Variants in IFT122 observed in about 807,000 individuals in gnomAD.
IFT122 encodes intraflagellar transport 122.
Under a neutral mutation model 161.6 loss-of-function variants are expected in IFT122, and 118 were observed. That is an observed-to-expected ratio of 0.73 (90% CI 0.63 to 0.85). IFT122 has a LOEUF of 0.85. Among genes scored for constraint, IFT122 ranks in the 40% least tolerant of loss-of-function variants. The probability of loss-of-function intolerance (pLI) is 0.00; values close to 1 mark genes in which losing one functional copy is unlikely to be tolerated. For synonymous variants in IFT122, 550 were observed against 602.4 expected, an observed-to-expected ratio of 0.91 and a Z score of 1.27; for missense variants, 1,381 against 1,579.6, an observed-to-expected ratio of 0.87 and a Z score of 2.13.
intron 18 of IFT122, 121 bp downstream of exon 18, chr3:129,495,728 G>C (rs1010891967): frequency 8.5e-7 from 1 of 1,174,154 alleles, no homozygotes; most frequent in East Asian, 2.4e-5. Flanking sequence ...GTCTCAGAAA[G>C]GATGTGGGGA....
rs750353936 is a variant in IFT122, at chr3:129,495,637, C to T, written c.2208+30C>T. The T allele has an allele frequency of 5.6e-6, 9 of 1,611,978 alleles. No homozygotes were observed. The African/African-American group carries it at 1.1e-4, about 19-fold the overall frequency. On this transcript the variant is annotated intron_variant, in intron 18 of 29. Transcript: ENST00000348417. ...CCTACCCTGTCCCAGGCCCAAGCTC[C>T]AGCTTGGAGCCCACTGGTATTCTCA...
chr3:129,500,179 A>G (rs1433670158), intron 19 of IFT122, 111 bp downstream of exon 19: 3 of 1,297,100 alleles, frequency 2.3e-6, no homozygotes, highest in African/African-American at 1.5e-5. Context: ...AGCTAATGTG[A>G]TAGTGGCTAG....
chr3:129,465,047 A>AGT (rs942884912), intron 7 of IFT122, among the ~76,000 whole-genome samples: 7 of 151,646 alleles, frequency 4.6e-5, no homozygotes, highest in Admixed American at 2.0e-4. Flanking sequence ...GACAGGCCAA[A>AGT]GTGTGTGTGT....
At chr3:129,502,246 C>T (rs1466481106) in intron 19 of IFT122, among the ~76,000 whole-genome samples, 1 of 152,244 alleles carries the variant, frequency 6.6e-6, no homozygotes, top group African/African-American at 2.4e-5. Flanking sequence ...ATCCACTTTT[C>T]CGTGAGAATT....
At position 129,520,166 on chromosome 3, in the gene IFT122, CT is replaced by C; in HGVS notation, c.3637-8del. The C allele has an allele frequency of 6.2e-7, 1 of 1,609,210 alleles. No individual in the cohort carries two copies. Among genetic ancestry groups the C allele is most frequent in the Non-Finnish European group, 8.5e-7 (1 of 1,177,852 alleles). Reference sequence around the variant, plus strand: ...GGCTTCAGCCTGGTCTTACAGCTGTCTTCCCTTAGATGTTCCATTCTGAGGA... The same window carrying C: ...GGCTTCAGCCTGGTCTTACAGCTGTCTCCCTTAGATGTTCCATTCTGAGGA... On this transcript the variant is annotated splice_polypyrimidine_tract_variant and intron_variant, in intron 29 of 29. Transcript: ENST00000348417.
At chr3:129,506,617 G>A (rs2082218116) in intron 22 of IFT122, 68 bp downstream of exon 22, 2 of 1,602,054 alleles carry the variant, frequency 1.2e-6, no homozygotes. Flanking sequence ...AACATCAGAA[G>A]AGCTGGGACA....
chr3:129,493,334 C>T (rs55744015), intron 17 of IFT122, among the ~76,000 whole-genome samples: 19,572 of 152,172 alleles, frequency 0.13, 1,589 homozygotes, highest in South Asian at 0.24. Context: ...GCCCTTGTGC[C>T]GAGCTCAGTG....
chr3:129,464,209 T>G (rs1036148729), intron 6 of IFT122, among the ~76,000 whole-genome samples: 3 of 152,224 alleles, frequency 2.0e-5, no homozygotes, highest in Non-Finnish European at 4.4e-5. Flanking sequence ...AGTATATCCC[T>G]TCCGTTCAGC....
rs1578072953 is a variant in IFT122, at chr3:129,507,889, T to G, written c.2886+127T>G. 3 of 757,488 alleles carry G rather than the reference T, an allele frequency of 4.0e-6. No homozygotes were observed. In the East Asian group the frequency reaches 7.8e-5, roughly 20 times the overall value. 46.9% of individuals were successfully genotyped at this position (757,488 alleles called of 1,614,324 possible). A position where few individuals can be genotyped will look rare whatever the true frequency, so the allele number is the denominator to read the frequency against. ...GTCACAGTGAACTGCTGAGGAATCT[T>G]GGTCTCCTCTGGGAAGAAAAAGTTT... On this transcript the variant is annotated intron_variant, in intron 23 of 29. Transcript: ENST00000348417.
At chr3:129,520,120 C>G (rs371754567) in intron 29 of IFT122, 56 bp from the exon 30 acceptor site, 56 of 1,441,658 alleles carry the variant, frequency 3.9e-5, no homozygotes, top group Non-Finnish European at 5.2e-5. Flanking sequence ...TGGCCCCAGG[C>G]GTAGGGCTGA....
At chr3:129,499,702 A>AAC (rs1319104426) in intron 18 of IFT122, among the ~76,000 whole-genome samples, 200 bp from the exon 19 acceptor site, 10 of 152,174 alleles carry the variant, frequency 6.6e-5, no homozygotes, top group African/African-American at 2.4e-4. Flanking sequence ...ATCCCCCAGG[A>AAC]ACACCTGCAG....
intron 25 of IFT122, chr3:129,514,866 C>G (rs921206519): frequency 2.0e-5 from 10 of 494,874 alleles, no homozygotes; most frequent in South Asian, 1.0e-4. Flanking sequence ...TGCCTTTACC[C>G]CAGGCCTGGC....
chr3:129,469,244 A>T, intron 8 of IFT122, 98 bp from the exon 9 acceptor site: 1 of 1,086,534 alleles, frequency 9.2e-7, no homozygotes, highest in Non-Finnish European at 1.4e-6. Context: ...TGGCAACCTG[A>T]GGCCAGGACT....
In IFT122 at chr3:129,476,739, G is replaced by A. The variant is rs763542859; in HGVS notation, c.1085G>A (p.Arg362His). The A allele has an allele frequency of 4.3e-6, 7 of 1,614,166 alleles. No homozygotes were observed. The Admixed American group carries it at 6.7e-5, about 15-fold the overall frequency. Residue 362 changes from arginine to histidine, a missense_variant, in exon 11 of 30, where the codon CGC (arginine) becomes CAC (histidine). Physicochemically the swap from Arg to His is conservative, Grantham distance 29. Coordinates refer to ENST00000348417, the MANE Select transcript of IFT122 (RefSeq NM_052989.3). The stretch of plus-strand genomic sequence containing the variant: ...ACAGTCCATGGGCTTTACAAGGACC[G>A]CTATGCCTACAGGGATAGCATGACT... ...FSTVHGLYKD[R>H]YAYRDSMTDV... is the part of the protein sequence containing the mutation.
chr3:129,489,318 T>A (rs1474315109), intron 16 of IFT122, among the ~76,000 whole-genome samples: 1 of 152,156 alleles, frequency 6.6e-6, no homozygotes, highest in Non-Finnish European at 1.5e-5. Flanking sequence ...GGCCAGCCAC[T>A]TTCCTTGGAG....
rs1243629398 is a variant in IFT122 at position 129,516,694 on chromosome 3, G to GCGCGCA, written c.3266-774_3266-773insGCGCAC. On this transcript the variant is annotated intron_variant, in intron 26 of 29. Transcript: ENST00000348417. Reference sequence around the variant, plus strand: ...CCCTGCACACACACAGATTGCTCCTGCACACACACACACACACACACACAC... The same window carrying GCGCGCA: ...CCCTGCACACACACAGATTGCTCCTGCGCGCACACACACACACACACACACACACAC... Among the ~76,000 whole-genome samples the GCGCGCA allele has an allele frequency of 1.1e-3, 54 of 50,216 alleles. 1 individual carries two copies. The highest frequency in any genetic ancestry group is 7.4e-3 in the South Asian group (7 of 940). 32.9% of individuals were successfully genotyped at this position (50,216 alleles called of 152,430 possible).
intron 1 of IFT122, among the ~76,000 whole-genome samples, chr3:129,448,134 C>G (rs2074266517): frequency 6.6e-6 from 1 of 152,152 alleles, no homozygotes; most frequent in East Asian, 1.9e-4. Context: ...TTCTGATCCT[C>G]TCCTTGAATT....
Position 129,464,767 on chromosome 3 carries a change from C to G in IFT122, c.549C>G (p.Cys183Trp). Residue 183 changes from cysteine (C) to tryptophan (W), a missense_variant, in exon 7 of 30, where the codon TGC becomes TGG. This residue lies in a region of IFT122 where 544 missense variants were observed against 648.0 expected (regional missense o/e 0.84). Coordinates refer to ENST00000348417, the MANE Select transcript of IFT122 (RefSeq NM_052989.3). ...GGSLSPIWSI[C>W]WNPSSRWESF... ...CCCTCTCGCCAATATGGTCCATCTGCTGGAACCCTTCAAGGTACTCTTAAA... is the reference window on the plus strand; with the variant it reads ...CCCTCTCGCCAATATGGTCCATCTGGTGGAACCCTTCAAGGTACTCTTAAA... 6.2e-7 allele frequency: 1 copy of G among 1,614,148 alleles called. No individual in the cohort carries two copies. Among genetic ancestry groups the G allele is most frequent in the Non-Finnish European group, 8.5e-7 (1 of 1,180,016 alleles).
chr3:129,462,962 G>A (rs1168692515), intron 5 of IFT122, among the ~76,000 whole-genome samples: 2 of 152,180 alleles, frequency 1.3e-5, no homozygotes, highest in African/African-American at 4.8e-5. Context: ...TTATACTCTG[G>A]TTGCAGTGTC....
Sources: gnomAD v4.1 joint callset for allele counts (sites outside exome capture counted in the v4.1 genomes callset) on GRCh38, gnomAD v4.1.1 for gene constraint, gnomAD v4.1.1 regional missense constraint, MANE v1.5 for transcripts, NCBI Gene and HGNC (gene_info 2026-07-23, HGNC 2026-07-21) for gene names.